Variants in DGKI observed in about 807,000 individuals in gnomAD.
The protein encoded by DGKI is DAG kinase iota.
Under a neutral mutation model 147.5 loss-of-function variants are expected in DGKI, and 55 were observed. The ratio of observed to expected loss-of-function variants is 0.37; its 90% CI spans 0.30 to 0.47. DGKI has a LOEUF of 0.47. Ranked by LOEUF, DGKI falls within the 20% of genes least tolerant of loss-of-function variation. The pLI, the probability that DGKI is intolerant of heterozygous loss-of-function variation, is 1.00. For missense variants in DGKI, 1,007 were observed against 1,323.8 expected, an observed-to-expected ratio of 0.76 and a Z score of 3.71; for synonymous variants, 469 against 477.1, an observed-to-expected ratio of 0.98 and a Z score of 0.22.
In DGKI at chr7:137,769,630, G is replaced by GA. The variant is rs929667916; in HGVS notation, c.401+76831dup. 4.3e-3 allele frequency among the ~76,000 whole-genome samples: 640 copies of GA among 149,938 alleles called. 4 individuals are homozygous for GA. Among genetic ancestry groups the GA allele is most frequent in the African/African-American group, 0.015 (603 of 40,868 alleles). ...ACAAGGAACTTAAACAAATTTACAA[G>GA]AAAAAAAAACAACCCCATCAAAAAG... On this transcript the variant is annotated intron_variant, in intron 1 of 32. Coordinates refer to ENST00000614521, the MANE Select transcript of DGKI (RefSeq NM_001321708.2).
chr7:137,444,516 A>C (rs1813637861), intron 27 of DGKI, among the ~76,000 whole-genome samples: 1 of 152,222 alleles, frequency 6.6e-6, no homozygotes, highest in Admixed American at 6.5e-5. Context: ...GAACAGTATA[A>C]ATTGAGACAG....
intron 20 of DGKI, among the ~76,000 whole-genome samples, chr7:137,532,760 T>C (rs796745366): frequency 2.6e-5 from 4 of 152,286 alleles, no homozygotes; most frequent in African/African-American, 9.6e-5. Context: ...GGAGGAAACC[T>C]TTCATTTCCC....
intron 5 of DGKI, among the ~76,000 whole-genome samples, chr7:137,647,766 C>T (rs956975738): frequency 2.0e-5 from 3 of 152,218 alleles, no homozygotes; most frequent in African/African-American, 7.2e-5. Flanking sequence ...AAGATGAGAA[C>T]CTTAGTCCAC....
chr7:137,733,902 C>A (rs985166244), intron 1 of DGKI, among the ~76,000 whole-genome samples: 1 of 152,032 alleles, frequency 6.6e-6, no homozygotes, highest in Non-Finnish European at 1.5e-5. Flanking sequence ...CGATGACCAC[C>A]CTCCAATCTA....
At chr7:137,690,277 AG>A (rs1477733458) in intron 1 of DGKI, among the ~76,000 whole-genome samples, 12 of 152,202 alleles carry the variant, frequency 7.9e-5, no homozygotes, top group Non-Finnish European at 2.9e-5. Flanking sequence ...TTCAGAGTAG[AG>A]GGAAAGAGCA....
intron 21 of DGKI, among the ~76,000 whole-genome samples, chr7:137,509,275 G>A (rs1019970735): frequency 2.0e-5 from 3 of 152,108 alleles, no homozygotes; most frequent in Non-Finnish European, 2.9e-5. Context: ...GGAGTAATAC[G>A]GAAGACAAAT....
At chr7:137,618,692 C>T (rs1820636703) in intron 8 of DGKI, among the ~76,000 whole-genome samples, 1 of 152,024 alleles carries the variant, frequency 6.6e-6, no homozygotes, top group Non-Finnish European at 1.5e-5. Flanking sequence ...GAATTCAGTA[C>T]ACTTGAATTT....
chr7:137,789,779 C>T (rs912903383), intron 1 of DGKI, among the ~76,000 whole-genome samples: 1 of 152,136 alleles, frequency 6.6e-6, no homozygotes, highest in Admixed American at 6.5e-5. Flanking sequence ...ATTCTCCAAC[C>T]TTATTCTAAG....
chr7:137,818,222 C>A (rs973063688), intron 1 of DGKI, among the ~76,000 whole-genome samples: 1 of 152,196 alleles, frequency 6.6e-6, no homozygotes, highest in Non-Finnish European at 1.5e-5. Flanking sequence ...CCAAACTGCT[C>A]ATCATGTGAT....
At chr7:137,734,369 C>A (rs1000291914) in intron 1 of DGKI, among the ~76,000 whole-genome samples, 1 of 152,040 alleles carries the variant, frequency 6.6e-6, no homozygotes, top group Admixed American at 6.6e-5. Context: ...AGCTTAGTGA[C>A]TAAAAATAAC....
At chr7:137,524,230 A>C (rs1327291940) in intron 20 of DGKI, among the ~76,000 whole-genome samples, 1 of 152,152 alleles carries the variant, frequency 6.6e-6, no homozygotes, top group African/African-American at 2.4e-5. Flanking sequence ...AAAAGTCATG[A>C]ATAATTATAT....
chr7:137,466,638 A>C (rs1814672926), intron 25 of DGKI, among the ~76,000 whole-genome samples: 1 of 152,202 alleles, frequency 6.6e-6, no homozygotes, highest in Non-Finnish European at 1.5e-5. Context: ...TTTGTGAATG[A>C]AAATTTGGAG....
intron 1 of DGKI, among the ~76,000 whole-genome samples, chr7:137,699,912 C>T (rs1177826845): frequency 2.0e-5 from 3 of 152,188 alleles, no homozygotes; most frequent in Non-Finnish European, 4.4e-5. Context: ...ATAAGGCTAT[C>T]TGTGTTCTCA....
intron 1 of DGKI, among the ~76,000 whole-genome samples, chr7:137,811,382 T>A (rs1261766667): frequency 4.0e-4 from 39 of 98,562 alleles, no homozygotes; most frequent in African/African-American, 1.3e-3. Context: ...TCTCTCTCTC[T>A]CTCACACACA....
chr7:137,536,935 C>G (rs549685032), intron 20 of DGKI, among the ~76,000 whole-genome samples: 4 of 152,022 alleles, frequency 2.6e-5, no homozygotes, highest in African/African-American at 4.8e-5. Context: ...CAACATTAAC[C>G]GAGTTGCAGC....
chr7:137,638,623 T>TATATGTATATATACAC (rs1563125933), intron 6 of DGKI, among the ~76,000 whole-genome samples: 1,125 of 2,718 alleles, frequency 0.41, 404 homozygotes, highest in Non-Finnish European at 0.59. Flanking sequence ...CACACACACA[T>TATATGTATATATACAC]ATATATGTGT....
chr7:137,609,281 A>G (rs1820284634), intron 9 of DGKI, among the ~76,000 whole-genome samples: 1 of 152,206 alleles, frequency 6.6e-6, no homozygotes, highest in African/African-American at 2.4e-5. Flanking sequence ...AACTCCAAAT[A>G]TTCCAGAAAT....
chr7:137,575,956 C>T (rs907883187), intron 17 of DGKI, among the ~76,000 whole-genome samples: 3 of 151,578 alleles, frequency 2.0e-5, no homozygotes, highest in African/African-American at 4.8e-5. Context: ...CTTCATATCT[C>T]ATTAGCTTAA....
intron 1 of DGKI, among the ~76,000 whole-genome samples, chr7:137,792,969 A>G (rs898284981): frequency 6.6e-6 from 1 of 152,238 alleles, no homozygotes; most frequent in African/African-American, 2.4e-5. Context: ...TGTAAAACAG[A>G]TTAATACAGC....
Sources: allele counts gnomAD v4.1 joint callset (sites outside exome capture counted in the v4.1 genomes callset), GRCh38; gene constraint gnomAD v4.1.1; transcripts MANE v1.5; gene names NCBI Gene and HGNC (gene_info 2026-07-23, HGNC 2026-07-21).